The following NUP98 variants were observed in gnomAD, a reference collection of about 807,000 sequenced individuals.
NUP98 encodes the protein nuclear pore complex protein Nup98-Nup96.
NUP98 carries 26 observed loss-of-function variants against 191.9 expected under a neutral mutation model. The ratio of observed to expected loss-of-function variants is 0.14; its 90% CI spans 0.10 to 0.19. The LOEUF (loss-of-function observed/expected upper bound fraction) is 0.19. NUP98 is among the 10% of genes least tolerant of loss of function. NUP98 has a pLI of 1.00. For missense variants in NUP98, 1,941 were observed against 2,178.8 expected (o/e 0.89, Z 2.17); for synonymous variants, 808 against 778.4 (o/e 1.04, Z -0.63).
At chr11:3,688,560 C>T (rs879609377) in intron 28 of NUP98, among the ~76,000 whole-genome samples, 14 of 151,192 alleles carry the variant, frequency 9.3e-5, no homozygotes, top group South Asian at 8.4e-4. Flanking sequence ...TTTGGGAGGC[C>T]GAGGCAGGAG....
At chr11:3,720,529 A>T (rs1300973057) in intron 17 of NUP98, among the ~76,000 whole-genome samples, 183 bp downstream of exon 17, 2 of 152,066 alleles carry the variant, frequency 1.3e-5, no homozygotes, top group Admixed American at 6.6e-5. Flanking sequence ...AAATAAAAAT[A>T]AAAAAATTTA....
chr11:3,734,012 T>C (rs2079947975), intron 13 of NUP98, among the ~76,000 whole-genome samples: 1 of 152,124 alleles, frequency 6.6e-6, no homozygotes. Flanking sequence ...CAGGATTAAA[T>C]TTAAGAACAT....
rs750587470 is a variant in NUP98 at position 3,719,474 on chromosome 11, C to T, written c.2337G>A (p.Arg779=). 2 of 1,599,980 alleles carry T rather than the reference C, an allele frequency of 1.3e-6. No homozygotes were observed. Among genetic ancestry groups the T allele is most frequent in the Middle Eastern group, 1.7e-4 (1 of 6,036 alleles). The change falls in exon 18 of 33, where the codon AGG becomes AGA. Residue 779 remains arginine, a synonymous_variant. Coordinates refer to ENST00000324932, the MANE Select transcript of NUP98 (RefSeq NM_016320.5). ...CATCTAAGTAGACAACTACTTCTTT[C>T]CTCCGGATATGCACAATATCATCCA... ...LNLDDIVHIR[R]KEVVVYLDDN...
At chr11:3,721,546 A>G (rs2079400928) in intron 16 of NUP98, among the ~76,000 whole-genome samples, 1 of 152,006 alleles carries the variant, frequency 6.6e-6, no homozygotes, top group Non-Finnish European at 1.5e-5. Flanking sequence ...CAAAAATACA[A>G]AAATTAGCTG....
intron 30 of NUP98, among the ~76,000 whole-genome samples, chr11:3,682,667 T>C (rs1564800674): frequency 6.6e-6 from 1 of 152,090 alleles, no homozygotes; most frequent in East Asian, 1.9e-4. Context: ...CCATAACAGA[T>C]ATAGTAATGA....
chr11:3,795,989 T>G (rs1336439469), intron 1 of NUP98, among the ~76,000 whole-genome samples: 1 of 152,208 alleles, frequency 6.6e-6, no homozygotes, highest in Non-Finnish European at 1.5e-5. Context: ...AAGAATAATT[T>G]TACCCAAGTA....
chr11:3,742,436 C>T (rs1001595920), intron 12 of NUP98, among the ~76,000 whole-genome samples: 6 of 152,016 alleles, frequency 3.9e-5, no homozygotes, highest in African/African-American at 1.2e-4. Flanking sequence ...TGCGGTGGCT[C>T]ACACCTGTAA....
In NUP98 at chr11:3,778,905, G is replaced by C. The variant is rs557886207; in HGVS notation, c.323C>G (p.Ala108Gly). The change falls in exon 4 of 33, where the codon GCC becomes GGC. Residue 108 changes from alanine to glycine, a missense_variant. Ala to Gly is a moderately conservative substitution (Grantham distance 60). Around this residue, in one of 6 missense-constraint regions of NUP98, gnomAD observed 154 missense variants for 182.9 expected, o/e 0.84. Transcript: ENST00000324932. The stretch of plus-strand genomic sequence containing the variant: ...GCCAGTTGGTTTATTTTGTGCAAAG[G>C]CATTGTTTTGGGATGAGAAGAGACT... The part of the protein sequence containing the change: ...GTSLFSSQNN[A>G]FAQNKPTGFG... 2 of 1,614,126 alleles carry C rather than the reference G, an allele frequency of 1.2e-6. No individual in the cohort carries two copies. Among genetic ancestry groups the C allele is most frequent in the South Asian group, 2.2e-5 (2 of 91,080 alleles).
At chr11:3,700,579 A>G in intron 24 of NUP98, 31 bp downstream of exon 24, 1 of 1,483,188 alleles carries the variant, frequency 6.7e-7, no homozygotes, top group South Asian at 1.2e-5. Context: ...TTATTGGGAC[A>G]TCAAACATTA....
At chr11:3,740,303 G>C (rs2080234311) in intron 12 of NUP98, among the ~76,000 whole-genome samples, 1 of 152,108 alleles carries the variant, frequency 6.6e-6, no homozygotes, top group South Asian at 2.1e-4. Context: ...TTGAGGTCAG[G>C]AGTTCGTGAC....
intron 13 of NUP98, 64 bp from the exon 14 acceptor site, chr11:3,731,642 A>T (rs1221301587): frequency 6.3e-6 from 7 of 1,118,542 alleles, no homozygotes; most frequent in Admixed American, 2.8e-5. Flanking sequence ...TGGCCTTAAA[A>T]ATCACAAGAC....
At position 3,706,435 on chromosome 11, in the gene NUP98, A is replaced by T. The variant is rs1564826072; in HGVS notation, c.2925+10T>A. 6.2e-7 allele frequency: 1 copy of T among 1,613,686 alleles called. No homozygotes were observed. The highest frequency in any genetic ancestry group is 1.7e-5 in the Admixed American group (1 of 60,012). On this transcript the variant is annotated intron_variant, in intron 21 of 32. Coordinates refer to ENST00000324932, the MANE Select transcript of NUP98 (RefSeq NM_016320.5). ...CTTTCTGTTACAAAAAAGGTGGGTT[A>T]GAACTTCACCTGTAAGACATGTGGA...
chr11:3,780,541 C>CAAAAAAAAAA (rs142060672), intron 2 of NUP98, among the ~76,000 whole-genome samples: 12 of 74,810 alleles, frequency 1.6e-4, no homozygotes, highest in South Asian at 5.0e-4. Flanking sequence ...GACTCCATCT[C>CAAAAAAAAAA]AAAAAAAAAA....
chr11:3,722,113 T>C (rs1193777668), intron 16 of NUP98, among the ~76,000 whole-genome samples: 4 of 149,266 alleles, frequency 2.7e-5, no homozygotes, highest in Non-Finnish European at 6.0e-5. Context: ...TTCTTTTTTT[T>C]TTTTTTTTTT....
At chr11:3,718,252 T>C (rs1192240346) in intron 18 of NUP98, among the ~76,000 whole-genome samples, 1 of 152,250 alleles carries the variant, frequency 6.6e-6, no homozygotes, top group Non-Finnish European at 1.5e-5. Flanking sequence ...TTACTAATTA[T>C]TGGCCCGGCA....
rs144936005 is a variant in NUP98, at chr11:3,746,294, A to AAAAAAAAAACG, written c.1268-1646_1268-1645insCGTTTTTTTTT. Reference sequence around the variant, plus strand: ...CAAAAAAAAAAAAAAAAAAAAAAAAAGACAGCTTTGGGACAAAGAATAAGA... The same window carrying AAAAAAAAAACG: ...CAAAAAAAAAAAAAAAAAAAAAAAAAAAAAAAAAACGGACAGCTTTGGGACAAAGAATAAGA... On this transcript the variant is annotated intron_variant, in intron 11 of 32. Coordinates refer to ENST00000324932, the MANE Select transcript of NUP98 (RefSeq NM_016320.5). 2.4e-4 allele frequency among the ~76,000 whole-genome samples: 22 copies of AAAAAAAAAACG among 93,098 alleles called. 1 individual carries two copies. The highest frequency in any genetic ancestry group is 3.8e-4 in the Admixed American group (3 of 7,966). The allele number at this position is 93,098 out of a possible 152,430, so 61.1% of individuals were successfully genotyped here.
At chr11:3,721,494 C>T (rs532027199) in intron 16 of NUP98, among the ~76,000 whole-genome samples, 1 of 152,150 alleles carries the variant, frequency 6.6e-6, no homozygotes, top group Admixed American at 6.6e-5. Flanking sequence ...GGCCAGGAGT[C>T]CAAGACAAGC....
chr11:3,693,196 G>T, intron 27 of NUP98, 36 bp downstream of exon 27: 1 of 1,609,884 alleles, frequency 6.2e-7, no homozygotes, highest in Non-Finnish European at 8.5e-7. Context: ...TTAACACCCA[G>T]CAAGATTTTT....
rs575857068 is a variant in NUP98 at position 3,735,353 on chromosome 11, T to C, written c.1409-29A>G. ...TTAAAAAAAAAAAAAGAAAACAAAA[T>C]ATATATATATATATAAATGCAAGGA... is the stretch of plus-strand genomic sequence containing the variant. On this transcript the variant is annotated intron_variant, in intron 12 of 32. Coordinates refer to ENST00000324932, the MANE Select transcript of NUP98 (RefSeq NM_016320.5). The C allele has an allele frequency of 2.6e-3, 2,056 of 784,404 alleles. 3 individuals carry two copies. The highest frequency in any genetic ancestry group is 3.2e-3 in the Non-Finnish European group (1,890 of 595,122). 48.6% of individuals were successfully genotyped at this position (784,404 alleles called of 1,614,324 possible).
Sources: gnomAD v4.1 joint callset for allele counts (sites outside exome capture counted in the v4.1 genomes callset) on GRCh38, gnomAD v4.1.1 for gene constraint, gnomAD v4.1.1 regional missense constraint, MANE v1.5 for transcripts, NCBI Gene and HGNC (gene_info 2026-07-23, HGNC 2026-07-21) for gene names.